The following CSMD1 variants were observed in gnomAD, a reference collection of about 807,000 sequenced individuals.
The protein encoded by CSMD1 is CUB and sushi domain-containing protein 1.
A neutral mutation model predicts 417.5 loss-of-function variants in CSMD1; 213 were observed. The observed-to-expected ratio is 0.51, with a 90% CI of 0.46 to 0.57. The LOEUF (loss-of-function observed/expected upper bound fraction) is 0.57. Ranked by LOEUF, CSMD1 falls within the 20% of genes least tolerant of loss-of-function variation. The probability of loss-of-function intolerance (pLI) is 0.00; values close to 1 mark genes in which losing one functional copy is unlikely to be tolerated. For missense variants in CSMD1, 6,923 were observed against 4,529.7 expected, an observed-to-expected ratio of 1.53 and a Z score of -15.17; for synonymous variants, 2,862 against 1,736.8, an observed-to-expected ratio of 1.65 and a Z score of -16.11.
chr8:4,640,406 G>C (rs984170183), intron 1 of CSMD1, among the ~76,000 whole-genome samples: 2 of 152,216 alleles, frequency 1.3e-5, no homozygotes, highest in African/African-American at 4.8e-5. Flanking sequence ...GATTAAAGCA[G>C]TGTTTGATTG....
chr8:4,347,571 T>C (rs1800843641), intron 3 of CSMD1, among the ~76,000 whole-genome samples: 1 of 152,162 alleles, frequency 6.6e-6, no homozygotes. Context: ...TTGCCTATTA[T>C]TAAAGTTCGC....
At chr8:4,211,077 TATC>T (rs1367421672) in intron 3 of CSMD1, among the ~76,000 whole-genome samples, 4 of 152,322 alleles carry the variant, frequency 2.6e-5, no homozygotes, top group African/African-American at 9.6e-5. Context: ...CATGTTCACA[TATC>T]ATTGTACATT....
At chr8:4,374,535 G>A (rs1334306803) in intron 3 of CSMD1, among the ~76,000 whole-genome samples, 1 of 152,044 alleles carries the variant, frequency 6.6e-6, no homozygotes, top group Non-Finnish European at 1.5e-5. Context: ...AGAAGAGGCT[G>A]GTCAGTCCCA....
At chr8:4,019,548 G>C (rs1234408635) in intron 4 of CSMD1, among the ~76,000 whole-genome samples, 2 of 152,180 alleles carry the variant, frequency 1.3e-5, no homozygotes, top group Non-Finnish European at 2.9e-5. Context: ...CATTCCCTCT[G>C]TGCCTGAGCT....
intron 20 of CSMD1, among the ~76,000 whole-genome samples, chr8:3,366,070 A>T (rs548977609): frequency 5.3e-5 from 8 of 152,344 alleles, no homozygotes; most frequent in African/African-American, 1.7e-4. Flanking sequence ...AATAAATTAC[A>T]TGTGACTGTG....
chr8:3,267,529 C>G (rs78078720), intron 26 of CSMD1, among the ~76,000 whole-genome samples: 2 of 152,054 alleles, frequency 1.3e-5, no homozygotes, highest in Non-Finnish European at 2.9e-5. Flanking sequence ...GGAGAGAATC[C>G]AGGCAGATGC....
intron 49 of CSMD1, among the ~76,000 whole-genome samples, chr8:3,078,998 G>C (rs190157608): frequency 6.6e-6 from 1 of 152,152 alleles, no homozygotes; most frequent in East Asian, 1.9e-4. Flanking sequence ...CCCATTTGCA[G>C]ATAAAGAACT....
At chr8:4,694,753 A>G (rs948673356) in intron 1 of CSMD1, among the ~76,000 whole-genome samples, 25 of 152,086 alleles carry the variant, frequency 1.6e-4, no homozygotes, top group African/African-American at 5.3e-4. Flanking sequence ...GGCACATGTC[A>G]TCAGGACTTC....
At chr8:4,838,609 G>A (rs140434247) in intron 1 of CSMD1, among the ~76,000 whole-genome samples, 1 of 152,196 alleles carries the variant, frequency 6.6e-6, no homozygotes, top group Admixed American at 6.5e-5. Flanking sequence ...TTGTGCTTTG[G>A]CAGATGGAAA....
chr8:4,227,448 G>A (rs1700055), intron 3 of CSMD1, among the ~76,000 whole-genome samples: 1 of 151,844 alleles, frequency 6.6e-6, no homozygotes, highest in African/African-American at 2.4e-5. Context: ...CCTAGTGTAT[G>A]ACATTCAGAA....
At chr8:3,003,964 C>G (rs1444454294) in intron 52 of CSMD1, among the ~76,000 whole-genome samples, 2 of 152,132 alleles carry the variant, frequency 1.3e-5, no homozygotes, top group Non-Finnish European at 2.9e-5. Context: ...GCATCCTGTC[C>G]AGCTTAGTAC....
At chr8:3,549,723 T>A (rs540132032) in intron 10 of CSMD1, among the ~76,000 whole-genome samples, 4 of 152,022 alleles carry the variant, frequency 2.6e-5, no homozygotes, top group Middle Eastern at 3.2e-3. Flanking sequence ...CTACAGAAAG[T>A]TCCCACCAGC....
intron 12 of CSMD1, among the ~76,000 whole-genome samples, chr8:3,441,554 A>G (rs1016410783): frequency 5.3e-5 from 8 of 151,216 alleles, no homozygotes; most frequent in African/African-American, 1.5e-4. Context: ...GGACATTTCA[A>G]TCAATGATGG....
chr8:3,319,504 A>T (rs1196598096), intron 23 of CSMD1, among the ~76,000 whole-genome samples: 2 of 152,242 alleles, frequency 1.3e-5, no homozygotes, highest in African/African-American at 4.8e-5. Flanking sequence ...TAGTTCTACC[A>T]ATATATCCCA....
intron 3 of CSMD1, among the ~76,000 whole-genome samples, chr8:4,405,512 G>A (rs879527555): frequency 1.1e-4 from 17 of 152,120 alleles, no homozygotes; most frequent in Admixed American, 2.0e-4. Flanking sequence ...ACCCAGCACA[G>A]CGGCTTAACA....
intron 5 of CSMD1, among the ~76,000 whole-genome samples, chr8:3,882,006 C>T (rs151027995): frequency 2.6e-4 from 40 of 152,078 alleles, no homozygotes; most frequent in African/African-American, 8.4e-4. Context: ...GAATATTCTA[C>T]GATGTCTGAT....
intron 26 of CSMD1, among the ~76,000 whole-genome samples, chr8:3,264,431 G>T (rs181912592): frequency 8.5e-5 from 13 of 152,248 alleles, no homozygotes; most frequent in Non-Finnish European, 1.8e-4. Context: ...CCACACAAGT[G>T]TCAGGAGAAT....
At chr8:3,222,335 A>G (rs75250910) in intron 28 of CSMD1, among the ~76,000 whole-genome samples, 10,098 of 151,870 alleles carry the variant, frequency 0.066, 386 homozygotes, top group East Asian at 0.16. Context: ...TTTTTTTTAA[A>G]GCCAAGGTCT....
At chr8:4,463,837 C>A (rs1015848467) in intron 2 of CSMD1, among the ~76,000 whole-genome samples, 4 of 151,858 alleles carry the variant, frequency 2.6e-5, no homozygotes, top group African/African-American at 9.7e-5. Context: ...ATGCATAACC[C>A]CAGGAATATA....
Sources: allele counts gnomAD v4.1 joint callset (sites outside exome capture counted in the v4.1 genomes callset), GRCh38; gene constraint gnomAD v4.1.1; transcripts MANE v1.5; gene names NCBI Gene and HGNC (gene_info 2026-07-23, HGNC 2026-07-21).